Variants in HS3ST4 observed in about 807,000 individuals in gnomAD.
The protein encoded by HS3ST4 is heparan sulfate glucosamine 3-O-sulfotransferase 4.
A neutral mutation model predicts 29.2 loss-of-function variants in HS3ST4; 17 were observed. That is an observed-to-expected ratio of 0.58 (90% CI 0.40 to 0.87). The LOEUF is 0.87. HS3ST4 is among the 40% of genes least tolerant of loss of function. HS3ST4 has a pLI of 0.00. For missense variants in HS3ST4, 627 were observed against 634.5 expected (o/e 0.99, Z 0.13); for synonymous variants, 314 against 285.7 (o/e 1.10, Z -1.00).
intron 1 of HS3ST4, among the ~76,000 whole-genome samples, chr16:25,790,463 T>C (rs1966866878): frequency 6.6e-6 from 1 of 152,212 alleles, no homozygotes; most frequent in Admixed American, 6.5e-5. Context: ...TAGTTGATAT[T>C]ATAAGCAGTT....
intron 1 of HS3ST4, among the ~76,000 whole-genome samples, chr16:26,028,514 G>A (rs1307262153): frequency 1.3e-5 from 2 of 152,108 alleles, no homozygotes; most frequent in Non-Finnish European, 2.9e-5. Flanking sequence ...CTGGTCTGAG[G>A]CGATCCTCCT....
At chr16:26,090,926 C>T (rs1898849645) in intron 1 of HS3ST4, among the ~76,000 whole-genome samples, 3 of 152,186 alleles carry the variant, frequency 2.0e-5, no homozygotes, top group African/African-American at 2.4e-5. Context: ...GATGGAGTCT[C>T]AGTTAACAAG....
At chr16:25,796,900 G>A (rs781139161) in intron 1 of HS3ST4, among the ~76,000 whole-genome samples, 36 of 152,198 alleles carry the variant, frequency 2.4e-4, no homozygotes, top group Non-Finnish European at 4.3e-4. Context: ...GGTCGCATTG[G>A]TAAACTGTCA....
chr16:25,700,586 A>G (rs539167264), intron 1 of HS3ST4, among the ~76,000 whole-genome samples: 27 of 152,290 alleles, frequency 1.8e-4, no homozygotes, highest in Non-Finnish European at 1.5e-4. Flanking sequence ...GAGACTTTAG[A>G]TGAATGAAAG....
intron 1 of HS3ST4, among the ~76,000 whole-genome samples, chr16:26,039,146 C>T (rs1485354352): frequency 6.6e-6 from 1 of 152,206 alleles, no homozygotes; most frequent in Non-Finnish European, 1.5e-5. Flanking sequence ...TTTACATACA[C>T]TTCTATAATA....
chr16:25,743,025 G>A (rs761705183), intron 1 of HS3ST4, among the ~76,000 whole-genome samples: 3 of 152,148 alleles, frequency 2.0e-5, no homozygotes, highest in Non-Finnish European at 4.4e-5. Flanking sequence ...CAAAGCCCCT[G>A]GTCATTGAAG....
chr16:26,137,365 T>C lies in HS3ST4; in HGVS notation c.*1117T>C, dbSNP rs1461332944. 6.6e-6 allele frequency: 1 copy of C among 152,188 alleles called. No homozygotes were observed. The highest frequency in any genetic ancestry group is 1.5e-5 in the Non-Finnish European group (1 of 68,048). The allele number at this position is 152,188 out of a possible 1,614,324, so 9.4% of individuals were successfully genotyped here. A position where few individuals can be genotyped will look rare whatever the true frequency, so the allele number is the denominator to read the frequency against. On this transcript the variant is annotated 3_prime_UTR_variant, in exon 2 of 2. Coordinates refer to ENST00000331351, the MANE Select transcript of HS3ST4 (RefSeq NM_006040.3). ...GGGCTTCATTTTCTCTATTTAGAGA[T>C]GGCAGAGAGTGAGGTAGTGGCGAGA...
At chr16:26,134,877 G>A (rs112733475) in intron 1 of HS3ST4, among the ~76,000 whole-genome samples, 166 of 152,280 alleles carry the variant, frequency 1.1e-3, no homozygotes, top group African/African-American at 3.9e-3. Context: ...CCTCAGCTCT[G>A]CTGTTTTACT....
intron 1 of HS3ST4, among the ~76,000 whole-genome samples, chr16:26,117,765 G>C (rs1418068311): frequency 6.6e-6 from 1 of 152,160 alleles, no homozygotes; most frequent in Non-Finnish European, 1.5e-5. Flanking sequence ...AAAATGTGAA[G>C]CTGCATATCC....
intron 1 of HS3ST4, among the ~76,000 whole-genome samples, chr16:25,899,073 C>T (rs1295129430): frequency 6.6e-6 from 1 of 152,216 alleles, no homozygotes; most frequent in Non-Finnish European, 1.5e-5. Context: ...ACCTTTCTTC[C>T]TTGATGTCTT....
At chr16:26,076,278 G>A (rs1247341190) in intron 1 of HS3ST4, among the ~76,000 whole-genome samples, 2 of 152,180 alleles carry the variant, frequency 1.3e-5, no homozygotes, top group East Asian at 1.9e-4. Flanking sequence ...GTAGGAGCAC[G>A]GTGTTTAGGT....
intron 1 of HS3ST4, among the ~76,000 whole-genome samples, chr16:25,724,605 C>T (rs1241441382): frequency 2.0e-5 from 3 of 151,972 alleles, no homozygotes; most frequent in Non-Finnish European, 4.4e-5. Flanking sequence ...CTCGTGATCC[C>T]CCCACCTCGG....
At chr16:25,722,068 G>T (rs758494125) in intron 1 of HS3ST4, among the ~76,000 whole-genome samples, 11 of 152,166 alleles carry the variant, frequency 7.2e-5, no homozygotes, top group Non-Finnish European at 1.6e-4. Context: ...TTCTGTTTTG[G>T]CAGCGTGTAG....
chr16:25,869,866 A>G (rs1401327624), intron 1 of HS3ST4, among the ~76,000 whole-genome samples: 1 of 152,186 alleles, frequency 6.6e-6, no homozygotes, highest in African/African-American at 2.4e-5. Context: ...CTATCCTACT[A>G]TAACCATATT....
rs1966262922 is a variant in HS3ST4, at chr16:25,692,688, C to T, written c.271C>T (p.Leu91Phe). ...CTCTCTGCTGCCTACCCCCGTGCGC[C>T]TCGGCGCCCCCTCGCAGCCGCCCGC... ...PPSLLPTPVR[L>F]GAPSQPPAPP... Residue 91 changes from leucine (L) to phenylalanine (F), a missense_variant, in exon 1 of 2, where the codon CTC becomes TTC. By Grantham distance (22) the Leu-to-Phe change is conservative. Coordinates refer to ENST00000331351, the MANE Select transcript of HS3ST4 (RefSeq NM_006040.3). 35 of 1,235,854 alleles carry T rather than the reference C, an allele frequency of 2.8e-5. No individual in the cohort carries two copies. The highest frequency in any genetic ancestry group is 3.2e-5 in the Non-Finnish European group (32 of 992,412). The allele number at this position is 1,235,854 out of a possible 1,614,324, so 76.6% of individuals were successfully genotyped here.
chr16:25,779,121 GT>G (rs1966850439), intron 1 of HS3ST4, among the ~76,000 whole-genome samples: 1 of 152,164 alleles, frequency 6.6e-6, no homozygotes, highest in Non-Finnish European at 1.5e-5. Flanking sequence ...CAACACAGGG[GT>G]TGGCCTAGGC....
rs185179246 is a variant in HS3ST4 at position 25,763,263 on chromosome 16, T to C, written c.734+70112T>C. 3.5e-4 allele frequency among the ~76,000 whole-genome samples: 54 copies of C among 152,270 alleles called. 1 individual carries two copies. In the East Asian group the frequency reaches 8.9e-3, roughly 25 times the overall value. On this transcript the variant is annotated intron_variant, in intron 1 of 1. Coordinates refer to ENST00000331351, the MANE Select transcript of HS3ST4 (RefSeq NM_006040.3). ...GCCTTTGGGGAAGCTGTGGCAACTTTTGATTTCAATGGCTGTTTTGTTTTC... is the reference window on the plus strand; with the variant it reads ...GCCTTTGGGGAAGCTGTGGCAACTTCTGATTTCAATGGCTGTTTTGTTTTC...
chr16:25,998,051 C>G (rs930849453), intron 1 of HS3ST4, among the ~76,000 whole-genome samples: 4 of 152,086 alleles, frequency 2.6e-5, no homozygotes, highest in African/African-American at 9.7e-5. Context: ...GCCTGGGCAA[C>G]ATAGTGAAAC....
At chr16:26,119,442 T>C (rs1433368510) in intron 1 of HS3ST4, among the ~76,000 whole-genome samples, 1 of 152,212 alleles carries the variant, frequency 6.6e-6, no homozygotes, top group African/African-American at 2.4e-5. Flanking sequence ...TTATTGGATG[T>C]GCTGCAGGGT....
Sources: allele counts gnomAD v4.1 joint callset (sites outside exome capture counted in the v4.1 genomes callset), GRCh38; gene constraint gnomAD v4.1.1; transcripts MANE v1.5; gene names NCBI Gene and HGNC (gene_info 2026-07-23, HGNC 2026-07-21).